The following EPM2A variants were observed in gnomAD, a reference collection of about 807,000 sequenced individuals.
EPM2A encodes the protein laforin.
A neutral mutation model predicts 26.5 loss-of-function variants in EPM2A; 21 were observed. The ratio of observed to expected loss-of-function variants is 0.79; its 90% confidence interval spans 0.56 to 1.14. The LOEUF (loss-of-function observed/expected upper bound fraction) is 1.14, where lower values mean the gene tolerates loss of function less well. Among genes scored for constraint, EPM2A ranks in the 50% most tolerant of loss-of-function variants. The pLI is 0.00. For missense variants in EPM2A, 458 were observed against 440.8 expected (o/e 1.04, Z -0.35); for synonymous variants, 217 against 177.6 (o/e 1.22, Z -1.76).
chr6:145,735,418 G>C lies in EPM2A; in HGVS notation c.81C>G (p.Pro27=), dbSNP rs1448378778. The C allele has an allele frequency of 8.0e-7, 1 of 1,252,818 alleles. No homozygotes were observed. The highest frequency in any genetic ancestry group is 1.0e-6 in the Non-Finnish European group (1 of 992,682). The allele number at this position is 1,252,818 out of a possible 1,614,324, so 77.6% of individuals were successfully genotyped here. A position where few individuals can be genotyped will look rare whatever the true frequency, so the allele number is the denominator to read the frequency against. The stretch of plus-strand genomic sequence containing the variant: ...CGCGCGGCTCCCAACGCCCCAGCTC[G>C]GGCCGCGACCCCACCACCAGCAGCT... ...RPELLVVGSR[P]ELGRWEPRGA... Residue 27 remains proline, a synonymous_variant, in exon 1 of 4, where the codon CCC becomes CCG. Transcript: ENST00000367519.
At chr6:145,686,320 C>T in intron 1 of EPM2A, 24 bp from the exon 2 acceptor site, 4 of 1,596,398 alleles carry the variant, frequency 2.5e-6, no homozygotes, top group Non-Finnish European at 3.4e-6. Context: ...AAATGATAAA[C>T]AGAGCAATTA....
At chr6:145,525,830 T>G (rs1436964632) in intron 2 of EPM2A, among the ~76,000 whole-genome samples, 3 of 152,094 alleles carry the variant, frequency 2.0e-5, no homozygotes, top group African/African-American at 7.2e-5. Flanking sequence ...AATACTATGA[T>G]GAGTAGGAGT....
chr6:145,403,023 A>T (rs1778514482), intron 4 of EPM2A, among the ~76,000 whole-genome samples: 1 of 152,174 alleles, frequency 6.6e-6, no homozygotes, highest in Non-Finnish European at 1.5e-5. Flanking sequence ...CTCAAACCTG[A>T]TACTATTACA....
chr6:145,389,810 C>T (rs1334301660), intron 4 of EPM2A, among the ~76,000 whole-genome samples: 1 of 152,118 alleles, frequency 6.6e-6, no homozygotes, highest in Non-Finnish European at 1.5e-5. Flanking sequence ...GACCCTCCTC[C>T]CCAAGAAGCC....
At position 145,607,431 on chromosome 6, in the gene EPM2A, A is replaced by G. The variant is rs78906718; in HGVS notation, c.340+27814T>C. On this transcript the variant is annotated intron_variant, in intron 2 of 3. Transcript: ENST00000450221. ...TGTGACTCTTTGCATTCTGGAGAAC[A>G]TAATCAGCAACAAGTCACTGCAAAG... Among the ~76,000 whole-genome samples the G allele has an allele frequency of 7.6e-3, 1,155 of 152,272 alleles. 18 individuals carry two copies. Among genetic ancestry groups the G allele is most frequent in the African/African-American group, 0.026 (1,097 of 41,574 alleles).
intron 1 of EPM2A, among the ~76,000 whole-genome samples, chr6:145,733,364 A>G (rs1437921111): frequency 6.6e-6 from 1 of 152,146 alleles, no homozygotes; most frequent in Non-Finnish European, 1.5e-5. Flanking sequence ...CTCATATTTC[A>G]TAACAAGTGT....
At chr6:145,684,694 T>A (rs145632044) in intron 2 of EPM2A, 1 of 152,334 alleles carries the variant, frequency 6.6e-6, no homozygotes, top group African/African-American at 2.4e-5. Context: ...ATTTCCTTCC[T>A]GTAATCTAAC....
intron 2 of EPM2A, among the ~76,000 whole-genome samples, chr6:145,603,868 C>T (rs1302236230): frequency 6.6e-6 from 1 of 152,050 alleles, no homozygotes; most frequent in African/African-American, 2.4e-5. Flanking sequence ...TTTGAGAGTC[C>T]ACGTTTTTTT....
chr6:145,506,791 A>C (rs1779981215), intron 2 of EPM2A, among the ~76,000 whole-genome samples: 1 of 152,220 alleles, frequency 6.6e-6, no homozygotes, highest in South Asian at 2.1e-4. Flanking sequence ...GGATAGCTGA[A>C]GCCAAGGAGG....
chr6:145,404,950 C>G (rs1171400727), intron 4 of EPM2A, among the ~76,000 whole-genome samples: 1 of 151,964 alleles, frequency 6.6e-6, no homozygotes, highest in Non-Finnish European at 1.5e-5. Flanking sequence ...GATGTAAATA[C>G]AATTTATAAA....
At chr6:145,704,332 T>A (rs1326809187) in intron 1 of EPM2A, among the ~76,000 whole-genome samples, 2 of 152,162 alleles carry the variant, frequency 1.3e-5, no homozygotes, top group African/African-American at 4.8e-5. Context: ...TAAGATTATA[T>A]ACAAACTATA....
chr6:145,678,912 AG>A (rs1780280364), intron 2 of EPM2A, among the ~76,000 whole-genome samples: 1 of 152,130 alleles, frequency 6.6e-6, no homozygotes, highest in South Asian at 2.1e-4. Flanking sequence ...ATATACTCAA[AG>A]GATTATACGT....
intron 2 of EPM2A, among the ~76,000 whole-genome samples, chr6:145,510,271 A>T (rs1780036885): frequency 6.6e-6 from 1 of 152,150 alleles, no homozygotes; most frequent in African/African-American, 2.4e-5. Flanking sequence ...TACTGCACCC[A>T]ACAACCACAG....
At chr6:145,678,435 A>G (rs1333769508) in intron 2 of EPM2A, among the ~76,000 whole-genome samples, 4 of 152,252 alleles carry the variant, frequency 2.6e-5, no homozygotes, top group Non-Finnish European at 4.4e-5. Flanking sequence ...CTGCACAGCA[A>G]AAGAACCTCC....
At chr6:145,712,563 T>A (rs1451853063) in intron 1 of EPM2A, among the ~76,000 whole-genome samples, 1 of 152,118 alleles carries the variant, frequency 6.6e-6, no homozygotes, top group Non-Finnish European at 1.5e-5. Context: ...AACCACAAGT[T>A]GATGGTCAAG....
At chr6:145,416,318 C>A (rs1778707864) in intron 4 of EPM2A, among the ~76,000 whole-genome samples, 1 of 150,278 alleles carries the variant, frequency 6.7e-6, no homozygotes, top group South Asian at 2.1e-4. Context: ...TTATCTTAAA[C>A]ACAGAACTAT....
At chr6:145,677,002 A>T (rs1017104451) in intron 2 of EPM2A, among the ~76,000 whole-genome samples, 1 of 152,212 alleles carries the variant, frequency 6.6e-6, no homozygotes, top group Non-Finnish European at 1.5e-5. Flanking sequence ...TTAGACCAAT[A>T]TCCCTGATGA....
intron 2 of EPM2A, among the ~76,000 whole-genome samples, chr6:145,526,081 G>A (rs1562369872): frequency 6.6e-6 from 1 of 152,120 alleles, no homozygotes; most frequent in Middle Eastern, 3.4e-3. Context: ...TTCTGTTTAT[G>A]TGGTGAATCA....
intron 2 of EPM2A, among the ~76,000 whole-genome samples, chr6:145,597,090 T>A (rs1244021952): frequency 6.6e-6 from 1 of 151,338 alleles, no homozygotes; most frequent in Non-Finnish European, 1.5e-5. Context: ...GAGACGGGGT[T>A]TCACCTTGTT....
Sources: allele counts gnomAD v4.1 joint callset (sites outside exome capture counted in the v4.1 genomes callset), GRCh38; gene constraint gnomAD v4.1.1; transcripts MANE v1.5; gene names NCBI Gene and HGNC (gene_info 2026-07-23, HGNC 2026-07-21).